The following SUCO variants were observed in gnomAD, a reference collection of about 807,000 sequenced individuals.
SUCO encodes SUN domain containing ossification factor.
SUCO carries 57 observed loss-of-function variants against 148.1 expected under a neutral mutation model. The observed-to-expected ratio is 0.38, with a 90% CI of 0.31 to 0.48. SUCO has a LOEUF of 0.48. Ranked by LOEUF, SUCO falls within the 20% of genes least tolerant of loss-of-function variation. The probability of loss-of-function intolerance (pLI) is 0.96; values close to 1 mark genes in which losing one functional copy is unlikely to be tolerated. For synonymous variants in SUCO, 470 were observed against 502.7 expected, an observed-to-expected ratio of 0.93 and a Z score of 0.87; for missense variants, 1,331 against 1,468.2, an observed-to-expected ratio of 0.91 and a Z score of 1.53.
intron 3 of SUCO, 80 bp from the exon 4 acceptor site, chr1:172,555,789 T>C: frequency 1.8e-6 from 2 of 1,128,938 alleles, no homozygotes; most frequent in Non-Finnish European, 2.4e-6. Context: ...TCAGAAATGC[T>C]TTCCATAAAT....
At chr1:172,580,635 GT>G (rs1377312590) in intron 15 of SUCO, among the ~76,000 whole-genome samples, 4 of 152,110 alleles carry the variant, frequency 2.6e-5, no homozygotes, top group Non-Finnish European at 5.9e-5. Context: ...ATTTTATGGG[GT>G]CAGAAAATAG....
chr1:172,557,260 T>C lies in SUCO; in HGVS notation c.444-20T>C. 6.2e-7 allele frequency: 1 copy of C among 1,608,898 alleles called. No homozygotes were observed. Among genetic ancestry groups the C allele is most frequent in the Non-Finnish European group, 8.5e-7 (1 of 1,177,194 alleles). ...AAGTTTATTTAATTACCAGATTATG[T>C]TTCTTGTTTCTTTTTTTAGTGAAAT... On this transcript the variant is annotated intron_variant, in intron 4 of 23. Transcript: ENST00000263688.
At chr1:172,532,898 C>T, upstream of SUCO, 2 of 1,437,776 alleles carry the variant, frequency 1.4e-6, no homozygotes, top group Non-Finnish European at 1.9e-6. Context: ...GGCGGAGCGG[C>T]GAGAGCATCT....
At chr1:172,552,524 C>A (rs149410081) in intron 2 of SUCO, 1 of 516,744 alleles carries the variant, frequency 1.9e-6, no homozygotes, top group Non-Finnish European at 2.5e-6. Context: ...TGTGTATCAA[C>A]ACATACTTAC....
At chr1:172,583,892 G>A (rs1172275918) in intron 15 of SUCO, among the ~76,000 whole-genome samples, 5 of 152,166 alleles carry the variant, frequency 3.3e-5, no homozygotes, top group African/African-American at 4.8e-5. Flanking sequence ...TTATGCTCAT[G>A]TATAAATATA....
intron 14 of SUCO, chr1:172,578,682 T>TA (rs764190967): frequency 1.6e-5 from 5 of 315,446 alleles, no homozygotes; most frequent in Non-Finnish European, 2.3e-5. Context: ...AAAAATCTGT[T>TA]AAACTCACAA....
chr1:172,532,803 T>A (rs574889878), upstream of SUCO: 2 of 1,605,904 alleles, frequency 1.2e-6, no homozygotes, highest in African/African-American at 2.7e-5. Flanking sequence ...CGAAGGGCGG[T>A]CCACTGTAAG....
Position 172,571,419 on chromosome 1 carries a change from C to T in SUCO, c.1049+689C>T, listed in dbSNP as rs187703516. Among the ~76,000 whole-genome samples the T allele has an allele frequency of 9.2e-5, 14 of 152,200 alleles. No individual in the cohort carries two copies. The East Asian group carries it at 2.5e-3, about 28-fold the overall frequency. On this transcript the variant is annotated intron_variant, in intron 9 of 23. Transcript: ENST00000263688. ...GATCTCGGCTCGCTACAACCTCCACCTCCCAGCCGCCTGCCTTGGCCTCCC... is the reference window on the plus strand; with the variant it reads ...GATCTCGGCTCGCTACAACCTCCACTTCCCAGCCGCCTGCCTTGGCCTCCC...
intron 19 of SUCO, among the ~76,000 whole-genome samples, chr1:172,593,744 G>A (rs1195566833): frequency 6.6e-6 from 1 of 152,128 alleles, no homozygotes; most frequent in African/African-American, 2.4e-5. Flanking sequence ...CTCTTGTTTT[G>A]TTGTGTCTCT....
chr1:172,561,127 ATC>A (rs1491173473), intron 6 of SUCO, among the ~76,000 whole-genome samples: 2 of 152,242 alleles, frequency 1.3e-5, no homozygotes, highest in African/African-American at 4.8e-5. Context: ...CAGCATTGGT[ATC>A]TTGGCAGCTA....
chr1:172,578,425 T>A (rs751102992), intron 14 of SUCO, 36 bp downstream of exon 14: 2 of 1,576,670 alleles, frequency 1.3e-6, no homozygotes, highest in Admixed American at 1.7e-5. Flanking sequence ...TTAGGTATAT[T>A]TTTTTTACTT....
At position 172,609,685 on chromosome 1, in the gene SUCO, C is replaced by G. The variant is rs544905527; in HGVS notation, c.3322-131C>G. On this transcript the variant is annotated intron_variant, in intron 23 of 23. Coordinates refer to ENST00000263688, the MANE Select transcript of SUCO (RefSeq NM_014283.5). ...TATAGAACATAACAATGTATGTGTT[C>G]TGTGCTGTTTATAATACTGTTTTAC... The G allele has an allele frequency of 2.7e-6, 4 of 1,457,612 alleles. No homozygotes were observed. The South Asian group carries it at 4.5e-5, about 17-fold the overall frequency. 90.3% of individuals were successfully genotyped at this position (1,457,612 alleles called of 1,614,324 possible). A position where few individuals can be genotyped will look rare whatever the true frequency, so the allele number is the denominator to read the frequency against.
In SUCO at chr1:172,533,246, G is replaced by A. The variant is rs1651735886; in HGVS notation, c.-190G>A. 6.5e-7 allele frequency: 1 copy of A among 1,547,628 alleles called. No individual in the cohort carries two copies. Among genetic ancestry groups the A allele is most frequent in the South Asian group, 1.2e-5 (1 of 83,858 alleles). On this transcript the variant is annotated 5_prime_UTR_variant, in exon 1 of 24. Transcript: ENST00000263688. ...AGTCCTGTGAAGCGCCCCTGTCCGC[G>A]CCTCTGTGGGGCCCTCAGAGAGGGC...
At chr1:172,573,507 A>T (rs1156450879) in intron 9 of SUCO, among the ~76,000 whole-genome samples, 5 of 152,162 alleles carry the variant, frequency 3.3e-5, no homozygotes, top group Admixed American at 1.3e-4. Flanking sequence ...CTAAGAACTA[A>T]ATCGAAGACT....
intron 3 of SUCO, chr1:172,555,285 A>G (rs1414847455): frequency 7.5e-6 from 4 of 534,646 alleles, no homozygotes; most frequent in Non-Finnish European, 9.6e-6. Flanking sequence ...GGAGTAGTTA[A>G]TTCTGTTTAG....
At chr1:172,571,475 C>T (rs908172230) in intron 9 of SUCO, among the ~76,000 whole-genome samples, 35 of 151,806 alleles carry the variant, frequency 2.3e-4, no homozygotes, top group Non-Finnish European at 3.2e-4. Flanking sequence ...TGTGCCCGGC[C>T]GCCACCCCGT....
intron 11 of SUCO, chr1:172,577,071 AT>A: frequency 2.8e-6 from 2 of 709,360 alleles, no homozygotes; most frequent in Non-Finnish European, 3.5e-6. Flanking sequence ...AAGTATAAAT[AT>A]CATTCCATAA....
Position 172,590,982 on chromosome 1 carries a change from A to G in SUCO, c.2826-2A>G. On this transcript the variant is annotated splice_acceptor_variant, in intron 18 of 23. Coordinates refer to ENST00000263688, the MANE Select transcript of SUCO (RefSeq NM_014283.5). LOFTEE classifies it high-confidence loss of function. ...TGATTTAGACCAATTCTTACTTCAT[A>G]GGTACCGAAAACAAATGGAAGAAAT... 1 of 1,597,918 alleles carries G rather than the reference A, an allele frequency of 6.3e-7. No individual in the cohort carries two copies. Among genetic ancestry groups the G allele is most frequent in the Non-Finnish European group, 8.6e-7 (1 of 1,166,728 alleles).
Position 172,589,118 on chromosome 1 carries a change from G to GT in SUCO, c.2018dup (p.Asp674ArgfsTer22). 1 of 1,613,596 alleles carries GT rather than the reference G, an allele frequency of 6.2e-7. No homozygotes were observed. Among genetic ancestry groups the GT allele is most frequent in the Non-Finnish European group, 8.5e-7 (1 of 1,179,756 alleles). The stretch of plus-strand genomic sequence containing the variant: ...ACCCTTACTACTTCCTGCGGAATCA[G>GT]TAGATGTTTCAGTATTGCAACCTCT... On this transcript the variant is annotated frameshift_variant, in exon 18 of 24. Coordinates refer to ENST00000263688, the MANE Select transcript of SUCO (RefSeq NM_014283.5). LOFTEE classifies it high-confidence loss of function.
Sources: allele counts gnomAD v4.1 joint callset (sites outside exome capture counted in the v4.1 genomes callset), GRCh38; gene constraint gnomAD v4.1.1; transcripts MANE v1.5; gene names NCBI Gene and HGNC (gene_info 2026-07-23, HGNC 2026-07-21).